KCNV1: variants seen among roughly 807,000 people sequenced by gnomAD.
The protein encoded by KCNV1 is potassium voltage-gated channel modifier subfamily V member 1, also known as potassium voltage-gated channel subfamily V member 1.
Under a neutral mutation model 36.4 loss-of-function variants are expected in KCNV1, and 2 were observed. The ratio of observed to expected loss-of-function variants is 0.05; its 90% CI spans 0.02 to 0.17. KCNV1 has a LOEUF of 0.17. KCNV1 is among the 10% of genes least tolerant of loss of function. The probability of loss-of-function intolerance (pLI) is 1.00; values close to 1 mark genes in which losing one functional copy is unlikely to be tolerated. For missense variants in KCNV1, 321 were observed against 643.6 expected, an observed-to-expected ratio of 0.50 and a Z score of 5.42; for synonymous variants, 280 against 261.1, an observed-to-expected ratio of 1.07 and a Z score of -0.70.
At chr8:109,969,832 G>A (rs1270142644) in intron 3 of KCNV1, among the ~76,000 whole-genome samples, 2 of 146,056 alleles carry the variant, frequency 1.4e-5, no homozygotes, top group Admixed American at 1.4e-4. Flanking sequence ...GCAATAGAAT[G>A]AGACTCCCTC....
chr8:109,966,133 G>C lies in KCNV1; in HGVS notation c.*1955C>G, dbSNP rs970708327. The C allele has an allele frequency of 6.6e-6, 1 of 152,138 alleles. No individual in the cohort carries two copies. Among genetic ancestry groups the C allele is most frequent in the Non-Finnish European group, 1.5e-5 (1 of 68,020 alleles). 9.4% of individuals were successfully genotyped at this position (152,138 alleles called of 1,614,324 possible). A position where few individuals can be genotyped will look rare whatever the true frequency, so the allele number is the denominator to read the frequency against. On this transcript the variant is annotated 3_prime_UTR_variant, in exon 4 of 4. Coordinates refer to ENST00000524391, the MANE Select transcript of KCNV1 (RefSeq NM_014379.4). ...ATGTATTTTGAAGAGTATAAGAATAGTAATTATATAATAGGGATATTTTGA... is the reference window on the plus strand; with the variant it reads ...ATGTATTTTGAAGAGTATAAGAATACTAATTATATAATAGGGATATTTTGA...
In KCNV1 at chr8:109,968,496, G is replaced by A. The variant is rs1049209953; in HGVS notation, c.1095C>T (p.Tyr365=). The A allele has an allele frequency of 6.8e-6, 11 of 1,613,548 alleles. No homozygotes were observed. The highest frequency in any genetic ancestry group is 1.7e-5 in the Admixed American group (1 of 59,994). The stretch of plus-strand genomic sequence containing the variant: ...TGTCAGGAATGCTTTGCTCAGCAAA[G>A]TATTCTACAGTTGAAAATATAGAGA... ...VGISIFSTVE[Y]FAEQSIPDTT... is the part of the protein sequence containing the mutation. Residue 365 remains tyrosine, a synonymous_variant, in exon 4 of 4, where the codon TAC becomes TAT. Transcript: ENST00000524391. The surrounding 1 kb of genome is among the most constrained non-coding windows in gnomAD (Gnocchi z 5.3).
rs1396329778 is a variant in KCNV1, at chr8:109,967,563, C to A, written c.*525G>T. 1.3e-5 allele frequency: 2 copies of A among 153,834 alleles called. No homozygotes were observed. The highest frequency in any genetic ancestry group is 2.9e-5 in the Non-Finnish European group (2 of 69,118). 9.5% of individuals were successfully genotyped at this position (153,834 alleles called of 1,614,324 possible). A position where few individuals can be genotyped will look rare whatever the true frequency, so the allele number is the denominator to read the frequency against. ...AGATAGGGATATAATCTCTGCCCAT[C>A]AAATATGGGTTTTCTCTTGTAAAGC... On this transcript the variant is annotated 3_prime_UTR_variant, in exon 4 of 4. Coordinates refer to ENST00000524391, the MANE Select transcript of KCNV1 (RefSeq NM_014379.4).
At chr8:109,970,800 A>T (rs1026839255) in intron 3 of KCNV1, among the ~76,000 whole-genome samples, 1 of 152,186 alleles carries the variant, frequency 6.6e-6, no homozygotes, top group South Asian at 2.1e-4. Context: ...TTCTTTTGGA[A>T]AAAAATGTAG....
rs1384239387 is a variant in KCNV1 at position 109,974,320 on chromosome 8, A to G, written c.69T>C (p.Ser23=). The change falls in exon 2 of 4, where the codon TCT becomes TCC. Residue 23 remains serine (S), a synonymous_variant. Coordinates refer to ENST00000524391, the MANE Select transcript of KCNV1 (RefSeq NM_014379.4). This position sits in a 1 kb window ranked among gnomAD's most constrained non-coding sequence, Gnocchi z 6.2. ...CTTCACCCTCGCTGCAGAAGACACT[A>G]GAGTCCAGGGAGGTCAGGGAGCCGC... is the stretch of plus-strand genomic sequence containing the variant. ...LDSGSLTSLD[S]SVFCSEGEGE... 6 of 1,543,142 alleles carry G rather than the reference A, an allele frequency of 3.9e-6. No individual in the cohort carries two copies. Among genetic ancestry groups the G allele is most frequent in the Non-Finnish European group, 5.2e-6 (6 of 1,149,054 alleles).
Position 109,972,691 on chromosome 8 carries a change from T to G in KCNV1, c.558A>C (p.Gln186His), listed in dbSNP as rs146228702. 62 of 1,614,082 alleles carry G rather than the reference T, an allele frequency of 3.8e-5. No homozygotes were observed. The Middle Eastern group carries it at 8.2e-4, about 21-fold the overall frequency. ...SQHESEQDFS[Q>H]GPCPTVRQKL... is the part of the protein sequence containing the mutation. ...TCTGGCGAACAGTGGGACAAGGTCC[T>G]TGGGAGAAGTCCTGTTCACTCTCAT... Residue 186 changes from glutamine (Q) to histidine (H), a missense_variant, in exon 3 of 4, where the codon CAA becomes CAC. Gln to His is a conservative substitution (Grantham distance 24). Transcript: ENST00000524391. The surrounding 1 kb of genome is among the most constrained non-coding windows in gnomAD (Gnocchi z 5.2).
intron 3 of KCNV1, among the ~76,000 whole-genome samples, chr8:109,969,805 A>G (rs932415811): frequency 1.3e-5 from 2 of 151,448 alleles, no homozygotes; most frequent in South Asian, 4.2e-4. Context: ...AGATCACGCC[A>G]TTGCAATCCA....
chr8:109,975,440 T>A (rs934026280), intron 1 of KCNV1, among the ~76,000 whole-genome samples, 179 bp downstream of exon 1: 49 of 152,064 alleles, frequency 3.2e-4, no homozygotes, highest in Non-Finnish European at 5.7e-4. Context: ...AGAACAAGCG[T>A]GGGCTGGGGC....
At chr8:109,973,738 A>C (rs922936137) in intron 2 of KCNV1, among the ~76,000 whole-genome samples, 190 bp downstream of exon 2, 1 of 152,186 alleles carries the variant, frequency 6.6e-6, no homozygotes, top group Non-Finnish European at 1.5e-5. Flanking sequence ...AAAAAGTTCT[A>C]TTCAAAAGTT....
intron 3 of KCNV1, among the ~76,000 whole-genome samples, chr8:109,969,881 G>T (rs1293887106): frequency 1.3e-5 from 2 of 150,222 alleles, no homozygotes; most frequent in African/African-American, 2.4e-5. Flanking sequence ...AGAAAGAAAA[G>T]CCCATTATGG....
Position 109,972,898 on chromosome 8 carries a change from A to G in KCNV1, c.462-111T>C, listed in dbSNP as rs1587137565. The stretch of plus-strand genomic sequence containing the variant: ...CTTTTTCATTCAACAAAATGCAGAA[A>G]AATGTCTATTCATATTTTACTTAGG... On this transcript the variant is annotated intron_variant, in intron 2 of 3. Coordinates refer to ENST00000524391, the MANE Select transcript of KCNV1 (RefSeq NM_014379.4). The surrounding 1 kb of genome is among the most constrained non-coding windows in gnomAD (Gnocchi z 5.2). 2 of 772,504 alleles carry G rather than the reference A, an allele frequency of 2.6e-6. No homozygotes were observed. The highest frequency in any genetic ancestry group is 5.1e-5 in the East Asian group (2 of 39,014). The allele number at this position is 772,504 out of a possible 1,614,324, so 47.9% of individuals were successfully genotyped here.
rs979771509 is a variant in KCNV1, at chr8:109,974,636, GGT to G, written c.-250_-249del. 10 of 565,310 alleles carry G rather than the reference GGT, an allele frequency of 1.8e-5. No individual in the cohort carries two copies. Among genetic ancestry groups the G allele is most frequent in the Non-Finnish European group, 2.8e-5 (9 of 319,034 alleles). The allele number at this position is 565,310 out of a possible 1,614,324, so 35.0% of individuals were successfully genotyped here. A position where few individuals can be genotyped will look rare whatever the true frequency, so the allele number is the denominator to read the frequency against. ...AAGAGGAGACAGGGAGCAGAGGAAG[GGT>G]CGCGCTAAGAGAGAGGATCAGGTGA... On this transcript the variant is annotated 5_prime_UTR_variant, in exon 2 of 4. Coordinates refer to ENST00000524391, the MANE Select transcript of KCNV1 (RefSeq NM_014379.4). This position sits in a 1 kb window ranked among gnomAD's most constrained non-coding sequence, Gnocchi z 6.2.
Position 109,972,040 on chromosome 8 carries a change from C to G in KCNV1, c.991+218G>C, listed in dbSNP as rs565654568. Among the ~76,000 whole-genome samples, 1 of 152,136 alleles carries G rather than the reference C, an allele frequency of 6.6e-6. No homozygotes were observed. Among genetic ancestry groups the G allele is most frequent in the Non-Finnish European group, 1.5e-5 (1 of 68,030 alleles). On this transcript the variant is annotated intron_variant, in intron 3 of 3. Coordinates refer to ENST00000524391, the MANE Select transcript of KCNV1 (RefSeq NM_014379.4). This position sits in a 1 kb window ranked among gnomAD's most constrained non-coding sequence, Gnocchi z 5.2. ...GGTCAAATTGTCTCTCAACATTTCT[C>G]TTATGGAGAGGAGGTATGTGAGAGC...
chr8:109,971,151 T>A, intron 3 of KCNV1, among the ~76,000 whole-genome samples: 1 of 152,162 alleles, frequency 6.6e-6, no homozygotes, highest in East Asian at 1.9e-4. Context: ...AGCCAATTTG[T>A]TTGTGCTAAT....
rs1432638669 is a variant in KCNV1, at chr8:109,972,861, A to AG, written c.462-75dup. The AG allele has an allele frequency of 8.2e-7, 1 of 1,213,294 alleles. No homozygotes were observed. The highest frequency in any genetic ancestry group is 2.3e-5 in the East Asian group (1 of 42,646). The allele number at this position is 1,213,294 out of a possible 1,614,324, so 75.2% of individuals were successfully genotyped here. A position where few individuals can be genotyped will look rare whatever the true frequency, so the allele number is the denominator to read the frequency against. ...GAAGTATAAGATAATTAAACATGGC[A>AG]GGGAGGTCAGACTTTTTCATTCAAC... On this transcript the variant is annotated intron_variant, in intron 2 of 3. Transcript: ENST00000524391. This position sits in a 1 kb window ranked among gnomAD's most constrained non-coding sequence, Gnocchi z 5.2.
In KCNV1 at chr8:109,974,611, AAG is replaced by A. The variant is rs1820058089; in HGVS notation, c.-225_-224del. On this transcript the variant is annotated 5_prime_UTR_variant, in exon 2 of 4. Coordinates refer to ENST00000524391, the MANE Select transcript of KCNV1 (RefSeq NM_014379.4). This position sits in a 1 kb window ranked among gnomAD's most constrained non-coding sequence, Gnocchi z 6.2. ...GCGGAAGCAGCGCACAAGTGGCAGA[AAG>A]AGGAGACAGGGAGCAGAGGAAGGGT... 1 of 580,084 alleles carries A rather than the reference AAG, an allele frequency of 1.7e-6. No individual in the cohort carries two copies. The highest frequency in any genetic ancestry group is 1.9e-5 in the African/African-American group (1 of 53,428). The allele number at this position is 580,084 out of a possible 1,614,324, so 35.9% of individuals were successfully genotyped here.
In KCNV1 at chr8:109,967,293, A is replaced by G. The variant is rs2130895003; in HGVS notation, c.*795T>C. 2 of 152,346 alleles carry G rather than the reference A, an allele frequency of 1.3e-5. No individual in the cohort carries two copies. The highest frequency in any genetic ancestry group is 2.1e-4 in the South Asian group (1 of 4,830). 9.4% of individuals were successfully genotyped at this position (152,346 alleles called of 1,614,324 possible). ...TACATATTCATTATTTTAAAGCCAT[A>G]ATGTGAACAATACATCCATAAAGAG... On this transcript the variant is annotated 3_prime_UTR_variant, in exon 4 of 4. Coordinates refer to ENST00000524391, the MANE Select transcript of KCNV1 (RefSeq NM_014379.4).
rs1209321896 is a variant in KCNV1, at chr8:109,963,939, G to A, written c.*4149C>T. The A allele has an allele frequency of 6.6e-6, 1 of 152,110 alleles. No homozygotes were observed. Among genetic ancestry groups the A allele is most frequent in the Non-Finnish European group, 1.5e-5 (1 of 68,024 alleles). 9.4% of individuals were successfully genotyped at this position (152,110 alleles called of 1,614,324 possible). On this transcript the variant is annotated 3_prime_UTR_variant, in exon 4 of 4. Coordinates refer to ENST00000524391, the MANE Select transcript of KCNV1 (RefSeq NM_014379.4). The stretch of plus-strand genomic sequence containing the variant: ...TGTCTGAAAGTAGTGTTTTCTAACA[G>A]GCAAAGATTTCATGATGAAGACACA...
At position 109,975,031 on chromosome 8, in the gene KCNV1, C is replaced by CT. The variant is rs3834375; in HGVS notation, c.-644dup. 0.077 allele frequency: 11,805 copies of CT among 152,560 alleles called. 530 individuals carry two copies. Among genetic ancestry groups the CT allele is most frequent in the Middle Eastern group, 0.15 (45 of 294 alleles). The allele number at this position is 152,560 out of a possible 1,614,324, so 9.5% of individuals were successfully genotyped here. ...ATTCCTCCCTTTTCTTTTACTGCTG[C>CT]TTCATAGGCCTCCCCCGGGGTGTTC... On this transcript the variant is annotated 5_prime_UTR_variant, in exon 2 of 4. The change abolishes the stop of an existing upstream ORF in the 5' untranslated region. Coordinates refer to ENST00000524391, the MANE Select transcript of KCNV1 (RefSeq NM_014379.4).
Sources: allele counts gnomAD v4.1 joint callset (sites outside exome capture counted in the v4.1 genomes callset), GRCh38; gene constraint gnomAD v4.1.1; non-coding constraint Gnocchi (gnomAD v3.1); transcripts MANE v1.5; gene names NCBI Gene and HGNC (gene_info 2026-07-23, HGNC 2026-07-21).